The following RCAN1 variants were observed in gnomAD, a reference collection of about 807,000 sequenced individuals.
RCAN1 encodes calcipressin-1.
RCAN1 carries 11 observed loss-of-function variants against 22.9 expected under a neutral mutation model. That is an observed-to-expected ratio of 0.48 (90% CI 0.30 to 0.79). RCAN1 has a LOEUF of 0.79. Among genes scored for constraint, RCAN1 ranks in the 30% least tolerant of loss-of-function variants. RCAN1 has a pLI of 0.06. For synonymous variants in RCAN1, 136 were observed against 142.3 expected (o/e 0.96, Z 0.32); for missense variants, 291 against 337.8 (o/e 0.86, Z 1.09).
chr21:34,612,501 T>C (rs1042969533), intron 1 of RCAN1, among the ~76,000 whole-genome samples: 3 of 152,192 alleles, frequency 2.0e-5, no homozygotes, highest in Non-Finnish European at 2.9e-5. Context: ...GGCTCCCTAC[T>C]AACTCCTCTG....
At chr21:34,568,939 T>G (rs1987133844) in intron 1 of RCAN1, among the ~76,000 whole-genome samples, 1 of 152,144 alleles carries the variant, frequency 6.6e-6, no homozygotes, top group Non-Finnish European at 1.5e-5. Context: ...AAAAGGTGCT[T>G]CTTACATGGC....
chr21:34,531,987 A>G (rs774486373), intron 1 of RCAN1, among the ~76,000 whole-genome samples: 1 of 152,032 alleles, frequency 6.6e-6, no homozygotes, highest in Non-Finnish European at 1.5e-5. Context: ...GGGTATAGAG[A>G]CCACCACAAC....
chr21:34,567,554 CAAA>C (rs1163824625), intron 1 of RCAN1, among the ~76,000 whole-genome samples: 12 of 70,234 alleles, frequency 1.7e-4, no homozygotes, highest in African/African-American at 3.9e-4. Flanking sequence ...GACTCCATCT[CAAA>C]AAAAAAAAAA....
intron 1 of RCAN1, among the ~76,000 whole-genome samples, chr21:34,603,910 G>C (rs1988442436): frequency 6.6e-6 from 1 of 152,178 alleles, no homozygotes; most frequent in Non-Finnish European, 1.5e-5. Flanking sequence ...CTTCAGAGTG[G>C]GAGAGGGTGC....
At chr21:34,613,521 TACAAGTA>T (rs1430306343) in intron 1 of RCAN1, among the ~76,000 whole-genome samples, 1 of 152,176 alleles carries the variant, frequency 6.6e-6, no homozygotes, top group Non-Finnish European at 1.5e-5. Context: ...TCTCCAACAC[TACAAGTA>T]AGTGCCGTCT....
At chr21:34,531,501 G>A (rs1019248140) in intron 1 of RCAN1, among the ~76,000 whole-genome samples, 1 of 152,194 alleles carries the variant, frequency 6.6e-6, no homozygotes, top group Non-Finnish European at 1.5e-5. Context: ...CTCAGCAACT[G>A]TAATATCTTC....
rs533295597 is a variant in RCAN1 at position 34,517,809 on chromosome 21, T to C, written c.*275A>G. The C allele has an allele frequency of 5.3e-4, 243 of 456,696 alleles. 1 individual carries two copies. The highest frequency in any genetic ancestry group is 4.6e-3 in the African/African-American group (232 of 50,948). The allele number at this position is 456,696 out of a possible 1,614,324, so 28.3% of individuals were successfully genotyped here. ...AAAGAACAAGTACAAAACACTATCATTATCTGTTTTCTCAAGACAGTCCCA... is the reference window on the plus strand; with the variant it reads ...AAAGAACAAGTACAAAACACTATCACTATCTGTTTTCTCAAGACAGTCCCA... On this transcript the variant is annotated 3_prime_UTR_variant, in exon 4 of 4. Transcript: ENST00000313806.
At chr21:34,564,171 C>T (rs543353219) in intron 1 of RCAN1, among the ~76,000 whole-genome samples, 3 of 152,112 alleles carry the variant, frequency 2.0e-5, no homozygotes, top group Non-Finnish European at 4.4e-5. Flanking sequence ...AGGAGACTCA[C>T]TATCACAAGA....
Position 34,614,857 on chromosome 21 carries a change from A to T in RCAN1, c.155T>A (p.Ile52Asn). The T allele has an allele frequency of 4.8e-6, 7 of 1,472,154 alleles. No homozygotes were observed. The highest frequency in any genetic ancestry group is 6.3e-6 in the Non-Finnish European group (7 of 1,108,510). The allele number at this position is 1,472,154 out of a possible 1,614,324, so 91.2% of individuals were successfully genotyped here. The change falls in exon 1 of 4, where the codon ATT becomes AAT. Residue 52 changes from isoleucine (I) to asparagine (N), a missense_variant. Coordinates refer to ENST00000313806, the MANE Select transcript of RCAN1 (RefSeq NM_004414.7). The surrounding 1 kb of genome is among the most constrained non-coding windows in gnomAD (Gnocchi z 6.0). Reference sequence around the variant, plus strand: ...GTCCACCTCCTCCATCTCGCAGTCAATGAAGCTCCAGTCGCCGCCGCCCTC... The same window carrying T: ...GTCCACCTCCTCCATCTCGCAGTCATTGAAGCTCCAGTCGCCGCCGCCCTC... ...ADEGGGDWSF[I>N]DCEMEEVDLQ...
intron 1 of RCAN1, among the ~76,000 whole-genome samples, chr21:34,545,454 G>A (rs1986096771): frequency 6.6e-6 from 1 of 152,176 alleles, no homozygotes; most frequent in South Asian, 2.1e-4. Context: ...GGGCTCCTGT[G>A]GTTTCTGATG....
rs1305075469 is a variant in RCAN1 at position 34,517,514 on chromosome 21, CA to C, written c.*569del. 1 of 152,200 alleles carries C rather than the reference CA, an allele frequency of 6.6e-6. No homozygotes were observed. The highest frequency in any genetic ancestry group is 1.5e-5 in the Non-Finnish European group (1 of 68,038). 9.4% of individuals were successfully genotyped at this position (152,200 alleles called of 1,614,324 possible). A position where few individuals can be genotyped will look rare whatever the true frequency, so the allele number is the denominator to read the frequency against. On this transcript the variant is annotated 3_prime_UTR_variant, in exon 4 of 4. Transcript: ENST00000313806. The stretch of plus-strand genomic sequence containing the variant: ...TCCTGGCTTCCCAAAAGATGTAAAA[CA>C]ACAACGGTGTAACTTTATATACGAA...
intron 1 of RCAN1, among the ~76,000 whole-genome samples, chr21:34,569,584 C>G (rs1033139193): frequency 3.8e-4 from 58 of 152,132 alleles, no homozygotes; most frequent in African/African-American, 1.3e-3. Flanking sequence ...CTGCCAGAGG[C>G]TAAGGTGGAG....
chr21:34,548,095 T>C (rs1053893607), intron 1 of RCAN1, among the ~76,000 whole-genome samples: 1 of 152,180 alleles, frequency 6.6e-6, no homozygotes, highest in Non-Finnish European at 1.5e-5. Flanking sequence ...CTGTGAGAAA[T>C]AAATTTCTAT....
At chr21:34,543,959 T>C (rs1391542988) in intron 1 of RCAN1, among the ~76,000 whole-genome samples, 6 of 152,254 alleles carry the variant, frequency 3.9e-5, no homozygotes. Flanking sequence ...TACTATGTGC[T>C]ATGAATATTA....
intron 1 of RCAN1, among the ~76,000 whole-genome samples, chr21:34,565,992 C>T (rs771664327): frequency 6.6e-6 from 1 of 152,156 alleles, no homozygotes; most frequent in Non-Finnish European, 1.5e-5. Context: ...GAACACTTTC[C>T]GTCACCTGCT....
chr21:34,553,405 G>A (rs1017282480), intron 1 of RCAN1, among the ~76,000 whole-genome samples: 1 of 152,162 alleles, frequency 6.6e-6, no homozygotes, highest in South Asian at 2.1e-4. Flanking sequence ...ATGATTTATA[G>A]CACATAAAAT....
At chr21:34,605,850 G>A (rs1601223472) in intron 1 of RCAN1, among the ~76,000 whole-genome samples, 2 of 149,594 alleles carry the variant, frequency 1.3e-5, no homozygotes, top group Admixed American at 1.4e-4. Flanking sequence ...AACCCGGGAA[G>A]CAGAGGTTGC....
At chr21:34,555,000 G>A (rs1986504433) in intron 1 of RCAN1, among the ~76,000 whole-genome samples, 1 of 152,210 alleles carries the variant, frequency 6.6e-6, no homozygotes, top group African/African-American at 2.4e-5. Context: ...CAACACGTGG[G>A]AATTATGGGA....
chr21:34,544,854 C>T (rs1468923702), intron 1 of RCAN1, among the ~76,000 whole-genome samples: 6 of 152,136 alleles, frequency 3.9e-5, no homozygotes, highest in Non-Finnish European at 5.9e-5. Flanking sequence ...GTGCGAGGGA[C>T]GCACGTGGAA....
Sources: gnomAD v4.1 joint callset for allele counts (sites outside exome capture counted in the v4.1 genomes callset) on GRCh38, gnomAD v4.1.1 for gene constraint, Gnocchi (gnomAD v3.1) non-coding constraint, MANE v1.5 for transcripts, NCBI Gene and HGNC (gene_info 2026-07-23, HGNC 2026-07-21) for gene names.